Variants in GRM3 observed in about 807,000 individuals in gnomAD.
GRM3 encodes glutamate metabotropic receptor 3.
GRM3 carries 26 observed loss-of-function variants against 70.5 expected under a neutral mutation model. That is an observed-to-expected ratio of 0.37 (90% CI 0.27 to 0.51). The LOEUF (loss-of-function observed/expected upper bound fraction) is 0.51. Among genes scored for constraint, GRM3 ranks in the 20% least tolerant of loss-of-function variants. The probability of loss-of-function intolerance (pLI) is 0.93; values close to 1 mark genes in which losing one functional copy is unlikely to be tolerated. For missense variants in GRM3, 859 were observed against 1,123.8 expected, an observed-to-expected ratio of 0.76 and a Z score of 3.37; for synonymous variants, 443 against 434.9, an observed-to-expected ratio of 1.02 and a Z score of -0.23.
intron 1 of GRM3, among the ~76,000 whole-genome samples, chr7:86,679,284 C>T (rs1581638): frequency 0.099 from 14,959 of 151,670 alleles, 812 homozygotes; most frequent in South Asian, 0.15. Flanking sequence ...ATAAGTTATG[C>T]GATAAAACAA....
intron 3 of GRM3, among the ~76,000 whole-genome samples, chr7:86,787,861 T>C (rs1314448619): frequency 1.3e-5 from 2 of 152,230 alleles, no homozygotes; most frequent in Admixed American, 1.3e-4. Flanking sequence ...TATTTCTAAA[T>C]ACAGTCTAAA....
chr7:86,730,488 C>G (rs1795707290), intron 1 of GRM3, among the ~76,000 whole-genome samples: 1 of 152,222 alleles, frequency 6.6e-6, no homozygotes, highest in Non-Finnish European at 1.5e-5. Flanking sequence ...AAGGGCTTCA[C>G]TAGAAAGGGA....
intron 1 of GRM3, among the ~76,000 whole-genome samples, chr7:86,713,387 T>C (rs1236462703): frequency 1.3e-5 from 2 of 152,044 alleles, no homozygotes; most frequent in Non-Finnish European, 2.9e-5. Context: ...GCTCCACAGC[T>C]TAGCTCCTCT....
chr7:86,799,013 T>A (rs1162488648), intron 3 of GRM3, among the ~76,000 whole-genome samples: 1 of 152,206 alleles, frequency 6.6e-6, no homozygotes, highest in Non-Finnish European at 1.5e-5. Context: ...TATGTCTTTA[T>A]TAGCAGAGTG....
chr7:86,715,381 A>T (rs1795290902), intron 1 of GRM3, among the ~76,000 whole-genome samples: 1 of 151,988 alleles, frequency 6.6e-6, no homozygotes, highest in Non-Finnish European at 1.5e-5. Flanking sequence ...GACTCAAAAG[A>T]TAGGCACATT....
intron 3 of GRM3, among the ~76,000 whole-genome samples, chr7:86,837,916 C>T (rs1283012061): frequency 6.6e-6 from 1 of 152,134 alleles, no homozygotes; most frequent in Non-Finnish European, 1.5e-5. Context: ...TAGAAGCACA[C>T]AGTAGTAGAA....
intron 1 of GRM3, among the ~76,000 whole-genome samples, chr7:86,705,604 T>A (rs997667582): frequency 6.6e-6 from 1 of 152,098 alleles, no homozygotes; most frequent in Non-Finnish European, 1.5e-5. Context: ...ATGCATACAC[T>A]ATAAAATCTG....
intron 1 of GRM3, among the ~76,000 whole-genome samples, chr7:86,683,340 C>T (rs1031152574): frequency 2.0e-5 from 3 of 152,268 alleles, no homozygotes; most frequent in Non-Finnish European, 4.4e-5. Flanking sequence ...GAGGAAATAA[C>T]AAGTTCAGTT....
intron 3 of GRM3, among the ~76,000 whole-genome samples, chr7:86,825,550 T>G (rs1283947946): frequency 2.6e-5 from 4 of 152,182 alleles, no homozygotes; most frequent in Non-Finnish European, 5.9e-5. Context: ...TGTATTCTCT[T>G]TACGTGATAG....
At chr7:86,779,837 GA>G (rs79631494) in intron 2 of GRM3, among the ~76,000 whole-genome samples, 11,566 of 152,110 alleles carry the variant, frequency 0.076, 728 homozygotes, top group African/African-American at 0.17. Flanking sequence ...TTATTTGGAA[GA>G]AAAAAATATA....
intron 1 of GRM3, among the ~76,000 whole-genome samples, chr7:86,672,598 G>C (rs1467029052): frequency 1.3e-5 from 2 of 151,158 alleles, no homozygotes; most frequent in Non-Finnish European, 2.9e-5. Flanking sequence ...TTTTGTTTTT[G>C]TTTTTGTTTT....
intron 3 of GRM3, among the ~76,000 whole-genome samples, chr7:86,801,825 C>T (rs867022013): frequency 1.2e-4 from 18 of 152,224 alleles, no homozygotes; most frequent in African/African-American, 3.9e-4. Context: ...ATTTCATTAA[C>T]AAATTCAGAA....
chr7:86,736,592 T>A (rs1047344308), intron 1 of GRM3, among the ~76,000 whole-genome samples: 11 of 152,174 alleles, frequency 7.2e-5, no homozygotes, highest in Admixed American at 1.3e-4. Flanking sequence ...AGAGACCAGG[T>A]GCTTTCCATC....
chr7:86,852,287 G>A (rs904444982), intron 5 of GRM3, among the ~76,000 whole-genome samples: 1 of 151,728 alleles, frequency 6.6e-6, no homozygotes, highest in African/African-American at 2.4e-5. Flanking sequence ...CAATTTAGCA[G>A]AGTCCATAAG....
chr7:86,689,098 AG>A (rs1234772346), intron 1 of GRM3, among the ~76,000 whole-genome samples: 1 of 151,258 alleles, frequency 6.6e-6, no homozygotes, highest in Non-Finnish European at 1.5e-5. Flanking sequence ...AAAGGTCGAA[AG>A]GGAACCAAGA....
intron 1 of GRM3, among the ~76,000 whole-genome samples, chr7:86,685,661 C>T (rs1490207359): frequency 1.3e-5 from 2 of 152,090 alleles, no homozygotes; most frequent in Non-Finnish European, 1.5e-5. Context: ...AATCCCAGCA[C>T]TTTGGGAGGC....
intron 1 of GRM3, among the ~76,000 whole-genome samples, chr7:86,691,132 A>C (rs2116029260): frequency 6.6e-6 from 1 of 152,258 alleles, no homozygotes; most frequent in Non-Finnish European, 1.5e-5. Context: ...TACATTCCCT[A>C]GTCATTCATC....
intron 1 of GRM3, among the ~76,000 whole-genome samples, chr7:86,709,565 CG>C (rs549240266): frequency 6.6e-6 from 1 of 151,910 alleles, no homozygotes; most frequent in African/African-American, 2.4e-5. Flanking sequence ...GTGGTACCTT[CG>C]GGGGGGTGGG....
intron 1 of GRM3, among the ~76,000 whole-genome samples, chr7:86,706,285 T>G (rs903290990): frequency 1.3e-5 from 2 of 152,022 alleles, no homozygotes; most frequent in Non-Finnish European, 2.9e-5. Flanking sequence ...TTTTCACAAT[T>G]TGTTATCTCC....
Sources: allele counts gnomAD v4.1 joint callset (sites outside exome capture counted in the v4.1 genomes callset), GRCh38; gene constraint gnomAD v4.1.1; transcripts MANE v1.5; gene names NCBI Gene and HGNC (gene_info 2026-07-23, HGNC 2026-07-21).